The following MAN2A1 variants were observed in gnomAD, a reference collection of about 807,000 sequenced individuals.
The protein encoded by MAN2A1 is mannosidase alpha class 2A member 1.
MAN2A1 carries 76 observed loss-of-function variants against 142.6 expected under a neutral mutation model. That is an observed-to-expected ratio of 0.53 (90% CI 0.44 to 0.65). The LOEUF (loss-of-function observed/expected upper bound fraction) is 0.65, where lower values mean the gene tolerates loss of function less well. Among genes scored for constraint, MAN2A1 ranks in the 30% least tolerant of loss-of-function variants. The pLI is 0.00. For missense variants in MAN2A1, 1,311 were observed against 1,365.1 expected (o/e 0.96, Z 0.62); for synonymous variants, 559 against 473.2 (o/e 1.18, Z -2.35).
chr5:109,738,719 G>A (rs916076343), intron 4 of MAN2A1, among the ~76,000 whole-genome samples: 2 of 152,170 alleles, frequency 1.3e-5, no homozygotes, highest in Middle Eastern at 6.8e-3. Flanking sequence ...ACAATGCCTG[G>A]CACATTTTAA....
chr5:109,720,830 C>G (rs766210501), intron 3 of MAN2A1, among the ~76,000 whole-genome samples: 2 of 152,164 alleles, frequency 1.3e-5, no homozygotes, highest in Non-Finnish European at 2.9e-5. Flanking sequence ...AGTCTGGTTG[C>G]TAAAGGAACT....
intron 20 of MAN2A1, among the ~76,000 whole-genome samples, chr5:109,861,678 A>T (rs1387292933): frequency 6.6e-6 from 1 of 152,226 alleles, no homozygotes; most frequent in South Asian, 2.1e-4. Context: ...TCAAGGGCAC[A>T]CAGCCAGTAA....
chr5:109,816,187 GA>G (rs1308775012), intron 12 of MAN2A1, among the ~76,000 whole-genome samples: 2 of 152,148 alleles, frequency 1.3e-5, no homozygotes, highest in African/African-American at 4.8e-5. Context: ...TCAGAACTGG[GA>G]GAGGATTTTA....
At chr5:109,737,666 T>A (rs1752143809) in intron 4 of MAN2A1, among the ~76,000 whole-genome samples, 1 of 152,132 alleles carries the variant, frequency 6.6e-6, no homozygotes. Flanking sequence ...CCAGGGCTCA[T>A]GAAAAAGTAT....
At chr5:109,865,744 G>C (rs1755863697) in intron 21 of MAN2A1, among the ~76,000 whole-genome samples, 1 of 152,222 alleles carries the variant, frequency 6.6e-6, no homozygotes, top group Non-Finnish European at 1.5e-5. Context: ...CAGATCCTCA[G>C]TCTGAACACA....
chr5:109,854,123 A>G (rs1049148089), intron 19 of MAN2A1: 3 of 152,200 alleles, frequency 2.0e-5, no homozygotes, highest in Non-Finnish European at 4.4e-5. Context: ...TACAAAAAGG[A>G]TGCAAAATCA....
At chr5:109,813,664 C>T (rs1252329529) in intron 12 of MAN2A1, among the ~76,000 whole-genome samples, 5 of 152,330 alleles carry the variant, frequency 3.3e-5, no homozygotes, top group African/African-American at 1.2e-4. Context: ...TGCTCCCAGT[C>T]TGTTGTTCAC....
At chr5:109,824,323 C>T (rs900690219) in intron 16 of MAN2A1, among the ~76,000 whole-genome samples, 1 of 152,124 alleles carries the variant, frequency 6.6e-6, no homozygotes, top group Non-Finnish European at 1.5e-5. Context: ...AATTGTTTAT[C>T]ATTTTTAGAA....
In MAN2A1 at chr5:109,791,161, C is replaced by T. The variant is rs557762133; in HGVS notation, c.1943+1634C>T. On this transcript the variant is annotated intron_variant, in intron 12 of 21. Transcript: ENST00000261483. ...ATTTAAATAGTATAGGGTTTATCTT[C>T]CTATTACTTCTTTACAGTTCTTTTT... Among the ~76,000 whole-genome samples the T allele has an allele frequency of 3.3e-5, 5 of 151,984 alleles. No individual in the cohort carries two copies. The South Asian group carries it at 1.0e-3, about 32-fold the overall frequency.
intron 19 of MAN2A1, among the ~76,000 whole-genome samples, chr5:109,848,249 A>G (rs977125358): frequency 2.0e-5 from 3 of 152,158 alleles, no homozygotes; most frequent in Non-Finnish European, 2.9e-5. Context: ...TAGGTTTTCT[A>G]TGAGGTTTAC....
chr5:109,703,342 A>G (rs997957875), intron 1 of MAN2A1, among the ~76,000 whole-genome samples: 10 of 152,248 alleles, frequency 6.6e-5, no homozygotes, highest in Non-Finnish European at 1.5e-4. Flanking sequence ...GATAGTGCCT[A>G]GTAACCTTGT....
chr5:109,854,469 A>G (rs1755557446), intron 19 of MAN2A1: 1 of 152,206 alleles, frequency 6.6e-6, no homozygotes, highest in Non-Finnish European at 1.5e-5. Context: ...TAACATATTT[A>G]ACACTTCTAC....
At chr5:109,844,303 T>A (rs1366420958) in intron 17 of MAN2A1, among the ~76,000 whole-genome samples, 1 of 152,222 alleles carries the variant, frequency 6.6e-6, no homozygotes, top group Non-Finnish European at 1.5e-5. Flanking sequence ...GACCATTTTT[T>A]AAGCTTTGGA....
chr5:109,744,072 C>T (rs1395778062), intron 4 of MAN2A1, among the ~76,000 whole-genome samples: 1 of 152,072 alleles, frequency 6.6e-6, no homozygotes, highest in Non-Finnish European at 1.5e-5. Flanking sequence ...CAGTCTTACT[C>T]ATTTTTAACA....
chr5:109,807,418 T>A (rs2301014), intron 12 of MAN2A1, among the ~76,000 whole-genome samples: 92,245 of 152,056 alleles, frequency 0.61, 28,513 homozygotes, highest in East Asian at 0.93. Flanking sequence ...TATCTTATAG[T>A]TTTGGGGGTC....
At chr5:109,737,663 T>A (rs1216681900) in intron 4 of MAN2A1, among the ~76,000 whole-genome samples, 1 of 152,140 alleles carries the variant, frequency 6.6e-6, no homozygotes, top group Non-Finnish European at 1.5e-5. Context: ...AACCCAGGGC[T>A]CATGAAAAAG....
At chr5:109,732,344 T>C (rs1207340200) in intron 4 of MAN2A1, among the ~76,000 whole-genome samples, 4 of 152,170 alleles carry the variant, frequency 2.6e-5, no homozygotes, top group Admixed American at 1.3e-4. Context: ...TTTCTTTTGC[T>C]GTGCAGAAGC....
chr5:109,718,542 C>T (rs73217345), intron 3 of MAN2A1, among the ~76,000 whole-genome samples: 5,229 of 152,192 alleles, frequency 0.034, 284 homozygotes, highest in African/African-American at 0.12. Context: ...TAAATTCTAG[C>T]GGCAAAGAAC....
intron 8 of MAN2A1, among the ~76,000 whole-genome samples, chr5:109,777,311 G>A (rs1753320014): frequency 6.6e-6 from 1 of 151,940 alleles, no homozygotes; most frequent in Non-Finnish European, 1.5e-5. Flanking sequence ...TATTTCTCCT[G>A]TGGTTAATGA....
Sources: gnomAD v4.1 joint callset for allele counts (sites outside exome capture counted in the v4.1 genomes callset) on GRCh38, gnomAD v4.1.1 for gene constraint, MANE v1.5 for transcripts, NCBI Gene and HGNC (gene_info 2026-07-23, HGNC 2026-07-21) for gene names.